The following EMP1 variants were observed in gnomAD, a reference collection of about 807,000 sequenced individuals.
EMP1 encodes the protein epithelial membrane protein 1.
In EMP1, 5 loss-of-function variants were observed where a neutral mutation model predicts 15.7. The observed-to-expected ratio is 0.32, with a 90% CI of 0.17 to 0.67. The LOEUF is 0.67. Ranked by LOEUF, EMP1 falls within the 30% of genes least tolerant of loss-of-function variation. EMP1 has a pLI of 0.74. For synonymous variants in EMP1, 78 were observed against 76.7 expected, an observed-to-expected ratio of 1.02 and a Z score of -0.09; for missense variants, 166 against 194.2, an observed-to-expected ratio of 0.85 and a Z score of 0.86.
intron 1 of EMP1, among the ~76,000 whole-genome samples, chr12:13,207,138 G>C (rs78096146): frequency 0.024 from 3,696 of 152,150 alleles, 116 homozygotes; most frequent in African/African-American, 0.074. Context: ...TTGAGACGGA[G>C]TCTTGCTCTG....
At chr12:13,214,510 G>T (rs376237968) in intron 4 of EMP1, 24 bp from the exon 5 acceptor site, 1 of 1,605,686 alleles carries the variant, frequency 6.2e-7, no homozygotes, top group Non-Finnish European at 8.5e-7. Context: ...AAAACACACC[G>T]ACAAATCTCC....
chr12:13,219,477 A>T lies in EMP1; in HGVS notation c.*4786A>T, dbSNP rs909401376. On this transcript the variant is annotated 3_prime_UTR_variant, in exon 5 of 5. Transcript: ENST00000256951. ...CTTCTGAGCCCTCCAAACTCTTCCA[A>T]CCTCTACCCGTTACCCAGTTCCAAA... 2.6e-5 allele frequency: 4 copies of T among 151,964 alleles called. No homozygotes were observed. Among genetic ancestry groups the T allele is most frequent in the African/African-American group, 7.2e-5 (3 of 41,418 alleles). The allele number at this position is 151,964 out of a possible 1,614,324, so 9.4% of individuals were successfully genotyped here.
rs1864213853 is a variant in EMP1, at chr12:13,216,193, C to T, written c.*1502C>T. On this transcript the variant is annotated 3_prime_UTR_variant, in exon 5 of 5. Coordinates refer to ENST00000256951, the MANE Select transcript of EMP1 (RefSeq NM_001423.3). ...TTGGGAAGACGTTTTCTTTATCGCCCTGAGAAGATCTACCCCAGGGAGAAT... is the reference window on the plus strand; with the variant it reads ...TTGGGAAGACGTTTTCTTTATCGCCTTGAGAAGATCTACCCCAGGGAGAAT... The T allele has an allele frequency of 5.4e-6, 3 of 560,704 alleles. No homozygotes were observed. Among genetic ancestry groups the T allele is most frequent in the Admixed American group, 6.6e-5 (2 of 30,320 alleles). 34.7% of individuals were successfully genotyped at this position (560,704 alleles called of 1,614,324 possible).
chr12:13,204,651 C>T (rs946876655), intron 1 of EMP1, among the ~76,000 whole-genome samples: 2 of 152,202 alleles, frequency 1.3e-5, no homozygotes, highest in Non-Finnish European at 2.9e-5. Context: ...GGTGTGGGGT[C>T]GTCTGACTCA....
chr12:13,218,555 T>G lies in EMP1; in HGVS notation c.*3864T>G, dbSNP rs1054251105. 6.6e-6 allele frequency: 1 copy of G among 152,186 alleles called. No homozygotes were observed. 9.4% of individuals were successfully genotyped at this position (152,186 alleles called of 1,614,324 possible). ...GAGGAGGGGTGACTCACTTTAAAGA[T>G]GTATCATTTGGAGGTAGACACGATT... is the stretch of plus-strand genomic sequence containing the variant. On this transcript the variant is annotated 3_prime_UTR_variant, in exon 5 of 5. Coordinates refer to ENST00000256951, the MANE Select transcript of EMP1 (RefSeq NM_001423.3).
chr12:13,206,132 T>G (rs1056823275), intron 1 of EMP1, among the ~76,000 whole-genome samples: 14 of 151,994 alleles, frequency 9.2e-5, no homozygotes, highest in African/African-American at 3.4e-4. Flanking sequence ...GGATGTGAGA[T>G]AAGTAATGGA....
chr12:13,199,014 T>G (rs145343731), intron 1 of EMP1, among the ~76,000 whole-genome samples: 16 of 138,498 alleles, frequency 1.2e-4, no homozygotes, highest in Admixed American at 1.4e-4. Flanking sequence ...CTCCGAAGAA[T>G]GGGGCGGGGG....
In EMP1 at chr12:13,211,614, A is replaced by AT; in HGVS notation, c.78+28dup. ...GTGAGTAATGTTCTTTTGTTCATTC[A>AT]TTCATTGAGAAATCATTCGAATATT... is the stretch of plus-strand genomic sequence containing the variant. On this transcript the variant is annotated intron_variant, in intron 2 of 4. Coordinates refer to ENST00000256951, the MANE Select transcript of EMP1 (RefSeq NM_001423.3). This position sits in a 1 kb window ranked among gnomAD's most constrained non-coding sequence, Gnocchi z 4.7. 6.2e-7 allele frequency: 1 copy of AT among 1,609,984 alleles called. No homozygotes were observed. The highest frequency in any genetic ancestry group is 8.5e-7 in the Non-Finnish European group (1 of 1,177,376).
chr12:13,216,562 G>T lies in EMP1; in HGVS notation c.*1871G>T. On this transcript the variant is annotated 3_prime_UTR_variant, in exon 5 of 5. Coordinates refer to ENST00000256951, the MANE Select transcript of EMP1 (RefSeq NM_001423.3). ...AATACTCACATTTTGTTAAGAAGTT[G>T]AACTATGACTGGAGTAAACCATGTA... 1 of 667,944 alleles carries T rather than the reference G, an allele frequency of 1.5e-6. No individual in the cohort carries two copies. Among genetic ancestry groups the T allele is most frequent in the South Asian group, 1.6e-5 (1 of 61,158 alleles). The allele number at this position is 667,944 out of a possible 1,614,324, so 41.4% of individuals were successfully genotyped here.
In EMP1 at chr12:13,217,872, G is replaced by T. The variant is rs1864228375; in HGVS notation, c.*3181G>T. The stretch of plus-strand genomic sequence containing the variant: ...GGAATTGACTCACATGATTTTGAAG[G>T]CAGGCAAGCCCAAAGTCTGCAAGGG... On this transcript the variant is annotated 3_prime_UTR_variant, in exon 5 of 5. Coordinates refer to ENST00000256951, the MANE Select transcript of EMP1 (RefSeq NM_001423.3). 1 of 152,090 alleles carries T rather than the reference G, an allele frequency of 6.6e-6. No individual in the cohort carries two copies. Among genetic ancestry groups the T allele is most frequent in the Non-Finnish European group, 1.5e-5 (1 of 68,014 alleles). 9.4% of individuals were successfully genotyped at this position (152,090 alleles called of 1,614,324 possible).
intron 1 of EMP1, among the ~76,000 whole-genome samples, chr12:13,197,451 C>G (rs1366242643): frequency 6.6e-6 from 1 of 152,004 alleles, no homozygotes; most frequent in Admixed American, 6.6e-5. Flanking sequence ...TTTCTCCTCA[C>G]AGGATGGGAA....
Position 13,216,563 on chromosome 12 carries a change from AACT to A in EMP1, c.*1874_*1876del. On this transcript the variant is annotated 3_prime_UTR_variant, in exon 5 of 5. Transcript: ENST00000256951. ...ATACTCACATTTTGTTAAGAAGTTG[AACT>A]ATGACTGGAGTAAACCATGTATTCC... 1.5e-6 allele frequency: 1 copy of A among 667,796 alleles called. No individual in the cohort carries two copies. Among genetic ancestry groups the A allele is most frequent in the Non-Finnish European group, 2.7e-6 (1 of 368,012 alleles). 41.4% of individuals were successfully genotyped at this position (667,796 alleles called of 1,614,324 possible).
In EMP1 at chr12:13,213,673, G is replaced by A. The variant is rs1235133450; in HGVS notation, c.176-8G>A. The A allele has an allele frequency of 9.3e-6, 15 of 1,613,916 alleles. No homozygotes were observed. The highest frequency in any genetic ancestry group is 1.3e-5 in the Non-Finnish European group (15 of 1,179,904). On this transcript the variant is annotated splice_region_variant and splice_polypyrimidine_tract_variant and intron_variant, in intron 3 of 4. Transcript: ENST00000256951. ...CATGCCCTTGTTCTCCTCGTCCTGT[G>A]TCTACAGATGCCCTCAAGACAGTGC...
rs563865070 is a variant in EMP1, at chr12:13,212,828, G to A, written c.79-651G>A. On this transcript the variant is annotated intron_variant, in intron 2 of 4. Coordinates refer to ENST00000256951, the MANE Select transcript of EMP1 (RefSeq NM_001423.3). Reference sequence around the variant, plus strand: ...TTCCTTTTCTTGGGCCAGGCAGGAAGGGATGGCGGCACCATGATCAGTCTG... The same window carrying A: ...TTCCTTTTCTTGGGCCAGGCAGGAAAGGATGGCGGCACCATGATCAGTCTG... Among the ~76,000 whole-genome samples the A allele has an allele frequency of 1.5e-4, 23 of 152,350 alleles. No homozygotes were observed. The South Asian group carries it at 4.8e-3, about 32-fold the overall frequency.
intron 1 of EMP1, among the ~76,000 whole-genome samples, chr12:13,201,038 G>A (rs917281216): frequency 1.1e-4 from 16 of 152,152 alleles, no homozygotes; most frequent in Non-Finnish European, 2.4e-4. Flanking sequence ...TTATCTTGAC[G>A]CTGCCATGTA....
chr12:13,217,932 T>C lies in EMP1; in HGVS notation c.*3241T>C, dbSNP rs900863070. On this transcript the variant is annotated 3_prime_UTR_variant, in exon 5 of 5. Coordinates refer to ENST00000256951, the MANE Select transcript of EMP1 (RefSeq NM_001423.3). ...CAGAGAGCTGGTGCTACAGTGCGGG[T>C]CTGAAAGTTGCCAGAGTCCCTTTTA... The C allele has an allele frequency of 2.0e-5, 3 of 152,168 alleles. No individual in the cohort carries two copies. Among genetic ancestry groups the C allele is most frequent in the African/African-American group, 7.2e-5 (3 of 41,442 alleles). The allele number at this position is 152,168 out of a possible 1,614,324, so 9.4% of individuals were successfully genotyped here.
chr12:13,200,626 C>G (rs1210706922), intron 1 of EMP1, among the ~76,000 whole-genome samples: 1 of 152,254 alleles, frequency 6.6e-6, no homozygotes, highest in African/African-American at 2.4e-5. Context: ...CGTCCTGAGA[C>G]TGCTCTTTGC....
chr12:13,205,360 A>C (rs1864102445), intron 1 of EMP1, among the ~76,000 whole-genome samples: 1 of 152,246 alleles, frequency 6.6e-6, no homozygotes, highest in South Asian at 2.1e-4. Context: ...CTCAGGAAAC[A>C]GTCACATATT....
rs140465026 is a variant in EMP1 at position 13,199,014 on chromosome 12, TGGGGCG to T, written c.-43+2154_-43+2159del. Among the ~76,000 whole-genome samples the T allele has an allele frequency of 1.7e-4, 23 of 138,508 alleles. No homozygotes were observed. In the East Asian group the frequency reaches 4.6e-3, roughly 28 times the overall value. The allele number at this position is 138,508 out of a possible 152,430, so 90.9% of individuals were successfully genotyped here. A position where few individuals can be genotyped will look rare whatever the true frequency, so the allele number is the denominator to read the frequency against. On this transcript the variant is annotated intron_variant, in intron 1 of 4. Coordinates refer to ENST00000256951, the MANE Select transcript of EMP1 (RefSeq NM_001423.3). The stretch of plus-strand genomic sequence containing the variant: ...CCAATTCCACCCAGACTCCGAAGAA[TGGGGCG>T]GGGGCGGGGGCTGCAGGACATCCTG...
Sources: allele counts gnomAD v4.1 joint callset (sites outside exome capture counted in the v4.1 genomes callset), GRCh38; gene constraint gnomAD v4.1.1; non-coding constraint Gnocchi (gnomAD v3.1); transcripts MANE v1.5; gene names NCBI Gene and HGNC (gene_info 2026-07-23, HGNC 2026-07-21).